Variants in HS3ST4 observed in about 807,000 individuals in gnomAD.
HS3ST4 encodes heparan sulfate glucosamine 3-O-sulfotransferase 4.
In HS3ST4, 17 loss-of-function variants were observed where a neutral mutation model predicts 29.2. The ratio of observed to expected loss-of-function variants is 0.58; its 90% CI spans 0.40 to 0.87. The LOEUF (loss-of-function observed/expected upper bound fraction) is 0.87, where lower values mean the gene tolerates loss of function less well. Ranked by LOEUF, HS3ST4 falls within the 40% of genes least tolerant of loss-of-function variation. The probability of loss-of-function intolerance (pLI) is 0.00; values close to 1 mark genes in which losing one functional copy is unlikely to be tolerated. For missense variants in HS3ST4, 627 were observed against 634.5 expected, an observed-to-expected ratio of 0.99 and a Z score of 0.13; for synonymous variants, 314 against 285.7, an observed-to-expected ratio of 1.10 and a Z score of -1.00.
chr16:25,871,327 C>T (rs1220990655), intron 1 of HS3ST4, among the ~76,000 whole-genome samples: 1 of 152,124 alleles, frequency 6.6e-6, no homozygotes, highest in East Asian at 1.9e-4. Context: ...AGCTGCCCAT[C>T]ATTATTCTTC....
At chr16:25,772,742 G>A (rs543530704) in intron 1 of HS3ST4, among the ~76,000 whole-genome samples, 6 of 152,276 alleles carry the variant, frequency 3.9e-5, no homozygotes, top group African/African-American at 7.2e-5. Flanking sequence ...GGAATTCAGC[G>A]CTTCTAACTG....
chr16:26,049,115 G>A (rs1898305175), intron 1 of HS3ST4, among the ~76,000 whole-genome samples: 1 of 151,782 alleles, frequency 6.6e-6, no homozygotes, highest in Non-Finnish European at 1.5e-5. Context: ...TTGTGATATT[G>A]ACATAATAAT....
intron 1 of HS3ST4, among the ~76,000 whole-genome samples, chr16:25,868,886 G>T (rs549356020): frequency 1.3e-5 from 2 of 152,252 alleles, no homozygotes; most frequent in Non-Finnish European, 1.5e-5. Flanking sequence ...TTCCCTGGTA[G>T]GATGATGCTT....
At chr16:25,943,613 G>A (rs1306643414) in intron 1 of HS3ST4, among the ~76,000 whole-genome samples, 1 of 152,154 alleles carries the variant, frequency 6.6e-6, no homozygotes, top group Non-Finnish European at 1.5e-5. Context: ...TTCTTGTAAA[G>A]TACTCACAGT....
At chr16:25,938,093 G>GT (rs1242300291) in intron 1 of HS3ST4, among the ~76,000 whole-genome samples, 1 of 152,164 alleles carries the variant, frequency 6.6e-6, no homozygotes, top group Non-Finnish European at 1.5e-5. Context: ...ACTAGCAGGT[G>GT]TTGAAATATA....
intron 1 of HS3ST4, among the ~76,000 whole-genome samples, chr16:25,828,340 T>TCTC (rs1967257357): frequency 3.9e-4 from 25 of 64,038 alleles, no homozygotes; most frequent in Admixed American, 7.6e-4. Context: ...CTCTCTCTCT[T>TCTC]TCTCCCTTTC....
At chr16:25,763,947 G>T (rs977593454) in intron 1 of HS3ST4, among the ~76,000 whole-genome samples, 33 of 152,180 alleles carry the variant, frequency 2.2e-4, no homozygotes, top group Non-Finnish European at 4.6e-4. Context: ...AACTGTTGTA[G>T]GTTGTGGCCT....
At chr16:25,919,877 G>A (rs1224889343) in intron 1 of HS3ST4, among the ~76,000 whole-genome samples, 1 of 152,146 alleles carries the variant, frequency 6.6e-6, no homozygotes, top group Non-Finnish European at 1.5e-5. Flanking sequence ...ATGAAATGGA[G>A]GAGAGGAATC....
rs142336784 is a variant in HS3ST4, at chr16:25,820,010, C to CAAAAAAAAAAAAAAAAAAAAAAA, written c.734+126876_734+126898dup. Among the ~76,000 whole-genome samples, 10 of 46,928 alleles carry CAAAAAAAAAAAAAAAAAAAAAAA rather than the reference C, an allele frequency of 2.1e-4. 3 individuals are homozygous for CAAAAAAAAAAAAAAAAAAAAAAA. The highest frequency in any genetic ancestry group is 3.0e-4 in the Non-Finnish European group (9 of 29,882). The allele number at this position is 46,928 out of a possible 152,430, so 30.8% of individuals were successfully genotyped here. A position where few individuals can be genotyped will look rare whatever the true frequency, so the allele number is the denominator to read the frequency against. ...TGGGTGACAGAGTGATACTCTGTCT[C>CAAAAAAAAAAAAAAAAAAAAAAA]AAAAAAAAAAAAAAAAAAAAAAAAA... On this transcript the variant is annotated intron_variant, in intron 1 of 1. Transcript: ENST00000331351.
At chr16:25,808,307 A>G (rs1022048287) in intron 1 of HS3ST4, among the ~76,000 whole-genome samples, 2 of 152,170 alleles carry the variant, frequency 1.3e-5, no homozygotes, top group African/African-American at 4.8e-5. Flanking sequence ...CTTTCCTCTA[A>G]GGTTTGAGGT....
chr16:25,969,601 C>T (rs1968877087), intron 1 of HS3ST4, among the ~76,000 whole-genome samples: 1 of 152,224 alleles, frequency 6.6e-6, no homozygotes, highest in Non-Finnish European at 1.5e-5. Flanking sequence ...GGACAACTCT[C>T]TTAGCATCTC....
Position 25,953,611 on chromosome 16 carries a change from G to C in HS3ST4, c.735-182001G>C, listed in dbSNP as rs184736896. Among the ~76,000 whole-genome samples the C allele has an allele frequency of 3.7e-3, 570 of 152,276 alleles. 3 individuals carry two copies. The highest frequency in any genetic ancestry group is 0.013 in the African/African-American group (539 of 41,542). ...CTCCTGGGTGAATGGGGATGAGATG[G>C]GTGGAGCATGAGTGGCCATCTTAGA... On this transcript the variant is annotated intron_variant, in intron 1 of 1. Transcript: ENST00000331351.
At chr16:25,721,975 C>T (rs944066921) in intron 1 of HS3ST4, among the ~76,000 whole-genome samples, 1 of 152,186 alleles carries the variant, frequency 6.6e-6, no homozygotes, top group African/African-American at 2.4e-5. Context: ...TATACATCTT[C>T]CTGCTCAACT....
At chr16:25,917,194 A>T (rs1968301654) in intron 1 of HS3ST4, among the ~76,000 whole-genome samples, 1 of 152,016 alleles carries the variant, frequency 6.6e-6, no homozygotes, top group African/African-American at 2.4e-5. Flanking sequence ...TCATTCTATT[A>T]TCACTCTTTC....
intron 1 of HS3ST4, among the ~76,000 whole-genome samples, chr16:26,087,474 C>A (rs1242350265): frequency 1.3e-5 from 2 of 152,118 alleles, no homozygotes; most frequent in African/African-American, 2.4e-5. Context: ...ATTCCGTTGA[C>A]CTATCTCAAC....
chr16:25,764,123 C>CAGAAGGAGGAGCAGGTGTGT (rs1363688586), intron 1 of HS3ST4, among the ~76,000 whole-genome samples: 1 of 152,122 alleles, frequency 6.6e-6, no homozygotes, highest in Non-Finnish European at 1.5e-5. Context: ...GCAGGGAGCA[C>CAGAAGGAGGAGCAGGTGTGT]AGAAGGAGGA....
At chr16:25,872,582 G>A (rs914849477) in intron 1 of HS3ST4, among the ~76,000 whole-genome samples, 5 of 144,648 alleles carry the variant, frequency 3.5e-5, no homozygotes, top group Non-Finnish European at 7.6e-5. Context: ...GTGTCTAGCA[G>A]GCTTCATTAG....
At chr16:25,709,898 G>A (rs1438123469) in intron 1 of HS3ST4, among the ~76,000 whole-genome samples, 2 of 152,064 alleles carry the variant, frequency 1.3e-5, no homozygotes, top group African/African-American at 4.8e-5. Context: ...TAAAGGAATT[G>A]TGTATCTTAC....
At chr16:25,957,547 AGC>A in intron 1 of HS3ST4, among the ~76,000 whole-genome samples, 1 of 152,088 alleles carries the variant, frequency 6.6e-6, no homozygotes, top group African/African-American at 2.4e-5. Context: ...CCTCCCGAGT[AGC>A]TGGGATTATA....
Sources: allele counts gnomAD v4.1 joint callset (sites outside exome capture counted in the v4.1 genomes callset), GRCh38; gene constraint gnomAD v4.1.1; transcripts MANE v1.5; gene names NCBI Gene and HGNC (gene_info 2026-07-23, HGNC 2026-07-21).